SPAG16: variants seen among roughly 807,000 people sequenced by gnomAD.
The protein encoded by SPAG16 is sperm-associated antigen 16 protein.
In SPAG16, 86 loss-of-function variants were observed where a neutral mutation model predicts 80.4. That is an observed-to-expected ratio of 1.07 (90% CI 0.90 to 1.28). The LOEUF is 1.28. SPAG16 is among the 50% of genes most tolerant of loss of function. The probability of loss-of-function intolerance (pLI) is 0.00; values close to 1 mark genes in which losing one functional copy is unlikely to be tolerated. For missense variants in SPAG16, 870 were observed against 765.3 expected (o/e 1.14, Z -1.61); for synonymous variants, 294 against 265.9 (o/e 1.11, Z -1.03).
chr2:213,611,070 C>G (rs2125017195), intron 10 of SPAG16, among the ~76,000 whole-genome samples: 1 of 152,270 alleles, frequency 6.6e-6, no homozygotes, highest in East Asian at 1.9e-4. Flanking sequence ...AAGATGGAGT[C>G]ACTCTGGTTC....
At chr2:213,986,891 CAAAA>C (rs369965944) in intron 12 of SPAG16, among the ~76,000 whole-genome samples, 57 of 57,644 alleles carry the variant, frequency 9.9e-4, no homozygotes, top group Middle Eastern at 0.013. Context: ...TCTGGTATAG[CAAAA>C]AAAAAAAAAA....
intron 10 of SPAG16, among the ~76,000 whole-genome samples, chr2:213,762,126 G>A (rs995541408): frequency 6.6e-6 from 1 of 152,092 alleles, no homozygotes; most frequent in African/African-American, 2.4e-5. Flanking sequence ...AATTGCAGAA[G>A]AAAAAGTATT....
intron 15 of SPAG16, among the ~76,000 whole-genome samples, chr2:214,355,815 C>T (rs1253781579): frequency 3.3e-5 from 5 of 151,488 alleles, no homozygotes; most frequent in Non-Finnish European, 7.4e-5. Context: ...AAATGTGGCA[C>T]ATATACACCA....
chr2:213,555,502 C>G (rs113707447), intron 10 of SPAG16, among the ~76,000 whole-genome samples: 2 of 152,186 alleles, frequency 1.3e-5, no homozygotes, highest in Non-Finnish European at 2.9e-5. Flanking sequence ...TGAAAGTTTC[C>G]TGAAACTTCC....
At chr2:213,873,602 C>A (rs2076031695) in intron 11 of SPAG16, among the ~76,000 whole-genome samples, 1 of 151,518 alleles carries the variant, frequency 6.6e-6, no homozygotes. Context: ...GATATTTGTT[C>A]TTTTTAAATG....
At chr2:213,677,347 A>C (rs147682353) in intron 10 of SPAG16, among the ~76,000 whole-genome samples, 7,183 of 152,294 alleles carry the variant, frequency 0.047, 556 homozygotes, top group African/African-American at 0.16. Context: ...GTCAAGACCC[A>C]TCAGTGTGTT....
At chr2:213,992,961 G>A (rs1472665745) in intron 12 of SPAG16, among the ~76,000 whole-genome samples, 1 of 152,172 alleles carries the variant, frequency 6.6e-6, no homozygotes, top group Non-Finnish European at 1.5e-5. Flanking sequence ...TCTGAAGGAG[G>A]GTGGTCATAC....
At chr2:213,361,324 C>CTT (rs2125107709) in intron 7 of SPAG16, among the ~76,000 whole-genome samples, 1 of 150,478 alleles carries the variant, frequency 6.6e-6, no homozygotes, top group East Asian at 1.9e-4. Flanking sequence ...TATATTTTAT[C>CTT]TTTTTTAGAT....
chr2:214,212,265 T>A (rs2058314732), intron 15 of SPAG16, among the ~76,000 whole-genome samples: 1 of 152,114 alleles, frequency 6.6e-6, no homozygotes. Context: ...GTCTTTTATC[T>A]ACCAGAACTG....
intron 10 of SPAG16, among the ~76,000 whole-genome samples, chr2:213,583,967 GA>G (rs1020005498): frequency 1.3e-5 from 2 of 152,038 alleles, no homozygotes; most frequent in African/African-American, 2.4e-5. Context: ...GCTCATTAAA[GA>G]AAAAAAGTAC....
At chr2:214,013,480 C>A (rs1052024519) in intron 12 of SPAG16, among the ~76,000 whole-genome samples, 1 of 152,144 alleles carries the variant, frequency 6.6e-6, no homozygotes, top group Non-Finnish European at 1.5e-5. Context: ...ACCAGTCTCT[C>A]CCTATTCTCC....
intron 10 of SPAG16, among the ~76,000 whole-genome samples, chr2:213,675,327 T>C (rs949534763): frequency 1.3e-5 from 2 of 152,166 alleles, no homozygotes; most frequent in African/African-American, 4.8e-5. Context: ...TTCTCCCATT[T>C]TGTGGGTTGC....
At chr2:214,264,414 G>T (rs1266931527) in intron 15 of SPAG16, among the ~76,000 whole-genome samples, 2 of 152,006 alleles carry the variant, frequency 1.3e-5, no homozygotes, top group African/African-American at 2.4e-5. Context: ...TGCCTAGACT[G>T]CCCTGCCCCT....
At position 213,419,000 on chromosome 2, in the gene SPAG16, C is replaced by T. The variant is rs146101429; in HGVS notation, c.942+43881C>T. Among the ~76,000 whole-genome samples, 213 of 123,462 alleles carry T rather than the reference C, an allele frequency of 1.7e-3. 1 individual carries two copies. In the Middle Eastern group the frequency reaches 0.021, roughly 12 times the overall value. The allele number at this position is 123,462 out of a possible 152,430, so 81.0% of individuals were successfully genotyped here. On this transcript the variant is annotated intron_variant, in intron 9 of 15. Transcript: ENST00000331683. The stretch of plus-strand genomic sequence containing the variant: ...CCATTTTCTCCCAAGGTCTAAAAGC[C>T]TGTTTCCTAATGCTGCTATGCTACA...
chr2:214,350,433 T>A (rs1698319973), intron 15 of SPAG16, among the ~76,000 whole-genome samples: 1 of 152,238 alleles, frequency 6.6e-6, no homozygotes, highest in Non-Finnish European at 1.5e-5. Flanking sequence ...TCTAGAATTT[T>A]CCTGTCTACT....
chr2:213,855,527 T>C (rs1216058882), intron 10 of SPAG16, among the ~76,000 whole-genome samples: 2 of 151,850 alleles, frequency 1.3e-5, no homozygotes, highest in Non-Finnish European at 1.5e-5. Flanking sequence ...TAGTTACTAC[T>C]TTTTTTTTCT....
At chr2:213,418,488 G>C (rs1373754393) in intron 9 of SPAG16, among the ~76,000 whole-genome samples, 3 of 152,072 alleles carry the variant, frequency 2.0e-5, no homozygotes, top group African/African-American at 4.8e-5. Flanking sequence ...ATTTTGGTTT[G>C]ATAATATGTT....
chr2:213,674,276 C>A (rs2063941463), intron 10 of SPAG16, among the ~76,000 whole-genome samples: 2 of 151,508 alleles, frequency 1.3e-5, no homozygotes, highest in South Asian at 2.1e-4. Context: ...ATACTTGATT[C>A]TTTTGGGATT....
intron 12 of SPAG16, among the ~76,000 whole-genome samples, chr2:213,986,906 A>C (rs947718520): frequency 1.3e-5 from 2 of 151,118 alleles, no homozygotes; most frequent in African/African-American, 4.8e-5. Context: ...AAAAAAAAAA[A>C]AAAAAAAAAA....
Sources: gnomAD v4.1 joint callset for allele counts (sites outside exome capture counted in the v4.1 genomes callset) on GRCh38, gnomAD v4.1.1 for gene constraint, MANE v1.5 for transcripts, NCBI Gene and HGNC (gene_info 2026-07-23, HGNC 2026-07-21) for gene names.